DLG2: variants seen among roughly 807,000 people sequenced by gnomAD.
DLG2 encodes the protein discs large MAGUK scaffold protein 2, also known as disks large homolog 2.
A neutral mutation model predicts 132.5 loss-of-function variants in DLG2; 45 were observed. The observed-to-expected ratio is 0.34, with a 90% CI of 0.27 to 0.44. DLG2 has a LOEUF of 0.44. Among genes scored for constraint, DLG2 ranks in the 20% least tolerant of loss-of-function variants. The pLI, the probability that DLG2 is intolerant of heterozygous loss-of-function variation, is 1.00. For missense variants in DLG2, 1,045 were observed against 1,196.9 expected (o/e 0.87, Z 1.87); for synonymous variants, 424 against 419.6 (o/e 1.01, Z -0.13).
At chr11:84,146,972 A>G (rs1195166811) in intron 9 of DLG2, among the ~76,000 whole-genome samples, 1 of 152,114 alleles carries the variant, frequency 6.6e-6, no homozygotes, top group Non-Finnish European at 1.5e-5. Context: ...AAAAGACCAC[A>G]TAGTGGCCAC....
chr11:85,568,737 C>G (rs1457591872), intron 3 of DLG2, among the ~76,000 whole-genome samples: 19 of 152,092 alleles, frequency 1.2e-4, no homozygotes, highest in Admixed American at 1.2e-3. Context: ...ATCCTTATTT[C>G]TGTAAGATCA....
intron 19 of DLG2, among the ~76,000 whole-genome samples, chr11:83,547,578 TTA>T (rs2096273452): frequency 6.6e-5 from 10 of 152,114 alleles, no homozygotes; most frequent in African/African-American, 1.9e-4. Flanking sequence ...CTGGGAATGG[TTA>T]TTAGGTTACA....
chr11:85,211,769 T>C (rs1199070369), intron 4 of DLG2, among the ~76,000 whole-genome samples: 2 of 152,176 alleles, frequency 1.3e-5, no homozygotes, highest in African/African-American at 4.8e-5. Context: ...ACTCCTTTTA[T>C]ATGTTGAAGC....
intron 16 of DLG2, among the ~76,000 whole-genome samples, chr11:83,851,179 A>C (rs1433788743): frequency 6.8e-6 from 1 of 146,544 alleles, no homozygotes; most frequent in African/African-American, 2.5e-5. Context: ...TCCGTCTCAA[A>C]AAAAAAAAAA....
intron 4 of DLG2, among the ~76,000 whole-genome samples, chr11:85,197,485 A>C (rs76306320): frequency 0.02 from 3,024 of 152,306 alleles, 58 homozygotes; most frequent in Admixed American, 0.038. Flanking sequence ...CTTGACATTC[A>C]AAGGAAACCC....
chr11:85,110,475 G>A (rs2072535271), intron 6 of DLG2, among the ~76,000 whole-genome samples: 1 of 151,848 alleles, frequency 6.6e-6, no homozygotes, highest in Non-Finnish European at 1.5e-5. Context: ...ATCATAAGTA[G>A]TCCCTAAGCA....
chr11:85,229,937 C>T (rs2075202868), intron 4 of DLG2, among the ~76,000 whole-genome samples: 1 of 151,912 alleles, frequency 6.6e-6, no homozygotes, highest in South Asian at 2.1e-4. Context: ...AATGAGAACA[C>T]ATGGACACAA....
chr11:85,118,084 A>G (rs2073881602), intron 5 of DLG2, among the ~76,000 whole-genome samples: 2 of 152,112 alleles, frequency 1.3e-5, no homozygotes, highest in Admixed American at 1.3e-4. Context: ...ATTCCTCAAC[A>G]TATGACTTCA....
chr11:85,387,836 C>A (rs554472872), intron 3 of DLG2, among the ~76,000 whole-genome samples: 1 of 152,186 alleles, frequency 6.6e-6, no homozygotes, highest in Non-Finnish European at 1.5e-5. Context: ...GGAGGCAGGA[C>A]TAACTGGCAG....
intron 8 of DLG2, among the ~76,000 whole-genome samples, chr11:84,182,526 C>T (rs1164015752): frequency 6.7e-6 from 1 of 149,402 alleles, no homozygotes. Flanking sequence ...GAGACCCTGT[C>T]TCAAAAAAGA....
chr11:83,974,003 A>T (rs1382318590), intron 12 of DLG2, among the ~76,000 whole-genome samples: 1 of 152,116 alleles, frequency 6.6e-6, no homozygotes, highest in African/African-American at 2.4e-5. Flanking sequence ...AATAACAGTA[A>T]TGACTGTCCT....
At chr11:85,480,169 T>C (rs1304311388) in intron 3 of DLG2, among the ~76,000 whole-genome samples, 1 of 152,222 alleles carries the variant, frequency 6.6e-6, no homozygotes. Flanking sequence ...CTGATGGAAG[T>C]ATAAATCGGC....
At chr11:84,462,966 C>T in intron 7 of DLG2, among the ~76,000 whole-genome samples, 1 of 151,158 alleles carries the variant, frequency 6.6e-6, no homozygotes, top group Admixed American at 6.6e-5. Context: ...TCGGAAGTGT[C>T]AAGTGCATAA....
intron 6 of DLG2, among the ~76,000 whole-genome samples, chr11:84,573,020 A>G (rs2099489464): frequency 6.6e-6 from 1 of 152,166 alleles, no homozygotes; most frequent in Admixed American, 6.6e-5. Flanking sequence ...AGTACAAGCT[A>G]ACTCTTTAGC....
At chr11:84,220,937 GCCACCATGC>G (rs1462865525) in intron 8 of DLG2, among the ~76,000 whole-genome samples, 1 of 148,926 alleles carries the variant, frequency 6.7e-6, no homozygotes, top group Non-Finnish European at 1.5e-5. Flanking sequence ...CATGGTGCAT[GCCACCATGC>G]CCAGCTGATG....
chr11:85,316,262 T>C (rs778599247), intron 3 of DLG2, among the ~76,000 whole-genome samples: 1 of 152,028 alleles, frequency 6.6e-6, no homozygotes, highest in African/African-American at 2.4e-5. Context: ...GCTAGTGTAA[T>C]TAATTTAAAA....
At chr11:85,281,321 C>T (rs919773327) in intron 4 of DLG2, among the ~76,000 whole-genome samples, 2 of 151,892 alleles carry the variant, frequency 1.3e-5, no homozygotes, top group Admixed American at 1.3e-4. Context: ...TTCAGAAGCC[C>T]ATCTGATTTT....
At chr11:84,725,476 C>T (rs2062331646) in intron 6 of DLG2, among the ~76,000 whole-genome samples, 2 of 152,030 alleles carry the variant, frequency 1.3e-5, no homozygotes, top group South Asian at 4.1e-4. Context: ...GTAAGTGGAA[C>T]ATTGCATTTT....
chr11:84,866,776 G>GA (rs1293740951), intron 6 of DLG2, among the ~76,000 whole-genome samples: 2 of 151,544 alleles, frequency 1.3e-5, no homozygotes. Flanking sequence ...CCATTTTTTT[G>GA]AAAAAAGTGA....
Sources: gnomAD v4.1 joint callset for allele counts (sites outside exome capture counted in the v4.1 genomes callset) on GRCh38, gnomAD v4.1.1 for gene constraint, MANE v1.5 for transcripts, NCBI Gene and HGNC (gene_info 2026-07-23, HGNC 2026-07-21) for gene names.